PDE4D: variants seen among roughly 807,000 people sequenced by gnomAD.
The protein encoded by PDE4D is phosphodiesterase 4D, also known as 3',5'-cyclic-AMP phosphodiesterase 4D.
Under a neutral mutation model 87.4 loss-of-function variants are expected in PDE4D, and 24 were observed. That is an observed-to-expected ratio of 0.27 (90% confidence interval 0.20 to 0.39). PDE4D has a LOEUF of 0.39. Ranked by LOEUF, PDE4D falls within the 10% of genes least tolerant of loss-of-function variation. PDE4D has a pLI of 1.00. For missense variants in PDE4D, 714 were observed against 1,041.0 expected (o/e 0.69, Z 4.32); for synonymous variants, 384 against 383.2 (o/e 1.00, Z -0.02).
chr5:59,417,539 T>A (rs936205972), intron 1 of PDE4D, among the ~76,000 whole-genome samples: 3 of 142,394 alleles, frequency 2.1e-5, no homozygotes, highest in African/African-American at 2.6e-5. Context: ...AGCTGTTACC[T>A]TTTTTTTTTT....
intron 1 of PDE4D, among the ~76,000 whole-genome samples, chr5:59,745,891 C>T (rs1759532789): frequency 6.6e-6 from 1 of 152,136 alleles, no homozygotes; most frequent in African/African-American, 2.4e-5. Flanking sequence ...ACCAACAATT[C>T]AAACTCCAAA....
At chr5:59,776,411 C>T (rs937523312) in intron 1 of PDE4D, among the ~76,000 whole-genome samples, 1 of 152,164 alleles carries the variant, frequency 6.6e-6, no homozygotes. Context: ...GTCTCTTCCA[C>T]TTTCATGCGG....
intron 6 of PDE4D, among the ~76,000 whole-genome samples, chr5:59,036,099 T>C (rs896277883): frequency 3.3e-5 from 5 of 152,228 alleles, no homozygotes; most frequent in African/African-American, 9.6e-5. Context: ...ATGCCTTTTA[T>C]TGAGAAGTCT....
chr5:59,093,288 AAACT>A (rs1769075355), intron 5 of PDE4D, among the ~76,000 whole-genome samples: 1 of 152,172 alleles, frequency 6.6e-6, no homozygotes, highest in South Asian at 2.1e-4. Flanking sequence ...CTTTGGATCC[AAACT>A]AACTACTTCC....
At chr5:60,514,522 A>G (rs183281281) in intron 1 of PDE4D, among the ~76,000 whole-genome samples, 20 of 152,198 alleles carry the variant, frequency 1.3e-4, no homozygotes, top group Non-Finnish European at 2.1e-4. Flanking sequence ...GGAGACTAAT[A>G]CAGTTGGTTT....
intron 1 of PDE4D, among the ~76,000 whole-genome samples, chr5:59,415,342 G>T (rs1793417015): frequency 6.6e-6 from 1 of 152,170 alleles, no homozygotes; most frequent in African/African-American, 2.4e-5. Flanking sequence ...CATAAAAAGA[G>T]AAAAAACTTG....
rs1241035284 is a variant in PDE4D at position 59,924,809 on chromosome 5, G to A, written c.272+63679C>T. On this transcript the variant is annotated intron_variant, in intron 3 of 16. Transcript: ENST00000502484. Reference sequence around the variant, plus strand: ...TAAATATGCAGAGAAACGCAGGATAGTATAACATTATAATTGCGATGTTTA... The same window carrying A: ...TAAATATGCAGAGAAACGCAGGATAATATAACATTATAATTGCGATGTTTA... 3.3e-5 allele frequency among the ~76,000 whole-genome samples: 5 copies of A among 152,112 alleles called. No individual in the cohort carries two copies. In the East Asian group the frequency reaches 7.7e-4, roughly 23 times the overall value.
At chr5:60,478,903 G>A (rs1748523912) in intron 1 of PDE4D, among the ~76,000 whole-genome samples, 1 of 152,078 alleles carries the variant, frequency 6.6e-6, no homozygotes, top group Admixed American at 6.6e-5. Flanking sequence ...GAACCAAATC[G>A]AGAACATTAT....
At chr5:59,442,865 C>T (rs1049320642) in intron 1 of PDE4D, among the ~76,000 whole-genome samples, 1 of 152,166 alleles carries the variant, frequency 6.6e-6, no homozygotes, top group African/African-American at 2.4e-5. Flanking sequence ...ATTTATATCA[C>T]CGAATTAGTT....
intron 1 of PDE4D, among the ~76,000 whole-genome samples, chr5:60,219,050 A>T (rs1368271949): frequency 6.6e-6 from 1 of 152,184 alleles, no homozygotes; most frequent in South Asian, 2.1e-4. Flanking sequence ...ATAAAATAGC[A>T]TATACAGCAG....
intron 1 of PDE4D, among the ~76,000 whole-genome samples, chr5:60,353,153 G>A (rs1759341111): frequency 6.6e-6 from 1 of 152,144 alleles, no homozygotes; most frequent in Admixed American, 6.5e-5. Context: ...GCCTCTTCTG[G>A]GATCAGGAAG....
At chr5:59,246,895 C>T (rs1246036473) in intron 1 of PDE4D, among the ~76,000 whole-genome samples, 2 of 151,890 alleles carry the variant, frequency 1.3e-5, no homozygotes, top group African/African-American at 4.8e-5. Flanking sequence ...CTCAAATACA[C>T]AGATACATTA....
At chr5:59,236,033 T>C (rs543223438) in intron 1 of PDE4D, among the ~76,000 whole-genome samples, 1 of 152,278 alleles carries the variant, frequency 6.6e-6, no homozygotes, top group East Asian at 1.9e-4. Context: ...AAATTTTAGA[T>C]CCAGGGGTCC....
At chr5:59,367,008 C>G (rs1271633404) in intron 1 of PDE4D, among the ~76,000 whole-genome samples, 1 of 152,194 alleles carries the variant, frequency 6.6e-6, no homozygotes, top group African/African-American at 2.4e-5. Context: ...GGCATCCTAT[C>G]AGGAAGGAGC....
chr5:59,661,367 G>C (rs1745229199), intron 1 of PDE4D, among the ~76,000 whole-genome samples: 1 of 152,046 alleles, frequency 6.6e-6, no homozygotes, highest in African/African-American at 2.4e-5. Context: ...TGAATACAGT[G>C]GGGGTGTGTC....
intron 1 of PDE4D, among the ~76,000 whole-genome samples, chr5:59,849,543 A>G (rs1224534291): frequency 1.3e-5 from 2 of 151,816 alleles, no homozygotes; most frequent in African/African-American, 4.8e-5. Flanking sequence ...TATTATTTAT[A>G]TGTTTTATTG....
At chr5:60,469,629 T>C (rs1427630933) in intron 1 of PDE4D, among the ~76,000 whole-genome samples, 2 of 152,246 alleles carry the variant, frequency 1.3e-5, no homozygotes, top group East Asian at 1.9e-4. Context: ...TTCATGTCTC[T>C]GTCACATTTT....
Position 60,274,464 on chromosome 5 carries a change from G to A in PDE4D, c.-89-88777C>T, listed in dbSNP as rs550724755. Among the ~76,000 whole-genome samples, 32 of 152,166 alleles carry A rather than the reference G, an allele frequency of 2.1e-4. No homozygotes were observed. The East Asian group carries it at 2.3e-3, about 11-fold the overall frequency. On this transcript the variant is annotated intron_variant, in intron 1 of 16. Coordinates refer to the PDE4D transcript ENST00000502484. ...CAATTTCCACCTCCCGGGTTCAAGC[G>A]ATTCTCCTGCCTCAGCCTCCCAAGT...
Position 59,181,543 on chromosome 5 carries a change from GAT to G in PDE4D, c.759-901_759-900del, listed in dbSNP as rs3061466. 1.8e-3 allele frequency among the ~76,000 whole-genome samples: 216 copies of G among 118,896 alleles called. 14 individuals carry two copies. The highest frequency in any genetic ancestry group is 0.01 in the East Asian group (45 of 4,408). The allele number at this position is 118,896 out of a possible 152,430, so 78.0% of individuals were successfully genotyped here. Reference sequence around the variant, plus strand: ...CTTTTAGATACATTCAAAGATGTCTGATATATATATATATATATATATATATA... The same window carrying G: ...CTTTTAGATACATTCAAAGATGTCTGATATATATATATATATATATATATA... On this transcript the variant is annotated intron_variant, in intron 4 of 14. Coordinates refer to ENST00000340635, the MANE Select transcript of PDE4D (RefSeq NM_001104631.2).
Sources: allele counts gnomAD v4.1 joint callset (sites outside exome capture counted in the v4.1 genomes callset), GRCh38; gene constraint gnomAD v4.1.1; transcripts MANE v1.5; gene names NCBI Gene and HGNC (gene_info 2026-07-23, HGNC 2026-07-21).